PARD3: variants seen among roughly 807,000 people sequenced by gnomAD.
PARD3 encodes the protein par-3 family cell polarity regulator.
PARD3 carries 75 observed loss-of-function variants against 155.4 expected under a neutral mutation model. The observed-to-expected ratio is 0.48, with a 90% CI of 0.40 to 0.58. PARD3 has a LOEUF of 0.58. Ranked by LOEUF, PARD3 falls within the 20% of genes least tolerant of loss-of-function variation. PARD3 has a pLI of 0.00. For synonymous variants in PARD3, 576 were observed against 610.5 expected (o/e 0.94, Z 0.83); for missense variants, 1,642 against 1,721.7 (o/e 0.95, Z 0.82).
At chr10:34,695,574 C>G (rs1211883602) in intron 2 of PARD3, among the ~76,000 whole-genome samples, 1 of 152,130 alleles carries the variant, frequency 6.6e-6, no homozygotes, top group African/African-American at 2.4e-5. Context: ...CCTCCCCCTC[C>G]TCTTCCTCTT....
intron 3 of PARD3, among the ~76,000 whole-genome samples, chr10:34,480,575 C>G (rs1469256432): frequency 6.6e-6 from 1 of 152,102 alleles, no homozygotes; most frequent in Admixed American, 6.5e-5. Context: ...AGTTATTCAA[C>G]TAGAGGACAA....
At chr10:34,655,030 TGCTGAGCAC>T (rs2093126311) in intron 2 of PARD3, among the ~76,000 whole-genome samples, 1 of 151,872 alleles carries the variant, frequency 6.6e-6, no homozygotes, top group East Asian at 1.9e-4. Context: ...ACCCACCATT[TGCTGAGCAC>T]GTCAACAACT....
intron 2 of PARD3, among the ~76,000 whole-genome samples, chr10:34,630,958 G>A (rs1037352670): frequency 1.5e-4 from 23 of 152,004 alleles, no homozygotes; most frequent in African/African-American, 4.8e-4. Flanking sequence ...GGGGCTACAG[G>A]TGCATGCCAC....
At chr10:34,639,861 C>A (rs1234402576) in intron 2 of PARD3, among the ~76,000 whole-genome samples, 1 of 152,078 alleles carries the variant, frequency 6.6e-6, no homozygotes, top group Non-Finnish European at 1.5e-5. Flanking sequence ...GTAAGACACA[C>A]ACACACACAC....
At position 34,111,119 on chromosome 10, in the gene PARD3, T is replaced by C. The variant is rs780812179; in HGVS notation, c.*50A>G. ...AAAACTCCCAAAATACAAGTCTTCA[T>C]AGGAAAATGTCTTTTATTGCGCGAC... On this transcript the variant is annotated 3_prime_UTR_variant, in exon 25 of 25. Coordinates refer to ENST00000374788, the MANE Select transcript of PARD3 (RefSeq NM_001184785.2). The C allele has an allele frequency of 1.5e-5, 23 of 1,505,760 alleles. No individual in the cohort carries two copies. In the African/African-American group the frequency reaches 2.4e-4, roughly 16 times the overall value. The allele number at this position is 1,505,760 out of a possible 1,614,324, so 93.3% of individuals were successfully genotyped here. A position where few individuals can be genotyped will look rare whatever the true frequency, so the allele number is the denominator to read the frequency against.
At chr10:34,669,027 C>T (rs1170945940) in intron 2 of PARD3, among the ~76,000 whole-genome samples, 4 of 152,038 alleles carry the variant, frequency 2.6e-5, no homozygotes, top group African/African-American at 9.7e-5. Context: ...TAAATTAGTA[C>T]AAACTCTATG....
At chr10:34,534,489 G>C (rs1177159824) in intron 2 of PARD3, among the ~76,000 whole-genome samples, 3 of 152,096 alleles carry the variant, frequency 2.0e-5, no homozygotes, top group African/African-American at 7.2e-5. Context: ...ACATTGAATG[G>C]GTCACATGAG....
chr10:34,709,824 G>A (rs2094424722), intron 1 of PARD3, among the ~76,000 whole-genome samples: 1 of 152,114 alleles, frequency 6.6e-6, no homozygotes, highest in Non-Finnish European at 1.5e-5. Flanking sequence ...CCAACCAGAG[G>A]TCAACTGACA....
chr10:34,355,850 G>A (rs1174699556), intron 14 of PARD3, among the ~76,000 whole-genome samples: 1 of 148,926 alleles, frequency 6.7e-6, no homozygotes, highest in East Asian at 2.0e-4. Context: ...ACTTGAACCC[G>A]GGAGGCGGAG....
At chr10:34,179,918 T>A (rs1950197341) in intron 22 of PARD3, among the ~76,000 whole-genome samples, 1 of 152,218 alleles carries the variant, frequency 6.6e-6, no homozygotes, top group African/African-American at 2.4e-5. Context: ...TGCCTTATTT[T>A]TTTTTTAATT....
At chr10:34,576,542 G>C (rs574930529) in intron 2 of PARD3, among the ~76,000 whole-genome samples, 2 of 151,482 alleles carry the variant, frequency 1.3e-5, no homozygotes, top group Non-Finnish European at 2.9e-5. Context: ...AGCTTTTTTT[G>C]GACCATATAA....
chr10:34,776,498 C>T (rs143657863), intron 1 of PARD3, among the ~76,000 whole-genome samples: 59 of 151,852 alleles, frequency 3.9e-4, no homozygotes, highest in African/African-American at 1.4e-3. Flanking sequence ...TGGTATGAAC[C>T]ACAGGGAACT....
intron 2 of PARD3, among the ~76,000 whole-genome samples, chr10:34,672,580 G>A (rs1370789089): frequency 2.6e-5 from 4 of 152,194 alleles, no homozygotes; most frequent in African/African-American, 9.6e-5. Flanking sequence ...CACTTTGAGA[G>A]GCCAAGGCAG....
intron 6 of PARD3, 128 bp downstream of exon 6, chr10:34,401,697 CA>C: frequency 1.4e-6 from 1 of 717,304 alleles, no homozygotes; most frequent in South Asian, 1.6e-5. Flanking sequence ...TTTAGAAAAA[CA>C]AATCAATGCA....
chr10:34,535,830 AGT>A (rs201999700), intron 2 of PARD3, among the ~76,000 whole-genome samples: 2,205 of 149,534 alleles, frequency 0.015, 54 homozygotes, highest in African/African-American at 0.049. Context: ...AAAAAAAAAT[AGT>A]TAGGCTTTAA....
chr10:34,520,092 G>A (rs1049847369), intron 2 of PARD3, among the ~76,000 whole-genome samples: 3 of 152,018 alleles, frequency 2.0e-5, no homozygotes, highest in African/African-American at 7.2e-5. Context: ...AAACAGAAAC[G>A]CGAATGTACA....
At position 34,450,329 on chromosome 10, in the gene PARD3, C is replaced by G. The variant is rs756575325; in HGVS notation, c.702G>C (p.Glu234Asp). The G allele has an allele frequency of 3.7e-6, 6 of 1,613,298 alleles. No individual in the cohort carries two copies. The highest frequency in any genetic ancestry group is 2.2e-5 in the East Asian group (1 of 44,866). ...ASHPMVGKWL[E>D]KQEQDEDGTE... ...TTTGTCATGTTACCTGTTCTTGTTTCTCCAGCCACTTGCCCACCATTGGGT... is the reference window on the plus strand; with the variant it reads ...TTTGTCATGTTACCTGTTCTTGTTTGTCCAGCCACTTGCCCACCATTGGGT... Residue 234 changes from glutamate to aspartate, a missense_variant, in exon 5 of 25, where the codon GAG becomes GAC. Physicochemically the swap from Glu to Asp is conservative, Grantham distance 45. Around this residue, in one of 3 missense-constraint regions of PARD3, gnomAD observed 1,529 missense variants for 1,587.3 expected, o/e 0.96. Transcript: ENST00000374788.
At chr10:34,732,151 G>A (rs1378707289) in intron 1 of PARD3, among the ~76,000 whole-genome samples, 1 of 152,032 alleles carries the variant, frequency 6.6e-6, no homozygotes, top group Non-Finnish European at 1.5e-5. Flanking sequence ...CTTTCAACCT[G>A]AGAACGCTTA....
intron 2 of PARD3, among the ~76,000 whole-genome samples, chr10:34,582,857 G>A (rs965498361): frequency 6.6e-6 from 1 of 152,198 alleles, no homozygotes; most frequent in East Asian, 1.9e-4. Context: ...TCCTAAAAGG[G>A]AAACCAGGTG....
Sources: allele counts gnomAD v4.1 joint callset (sites outside exome capture counted in the v4.1 genomes callset), GRCh38; gene constraint gnomAD v4.1.1; regional missense constraint gnomAD v4.1.1; transcripts MANE v1.5; gene names NCBI Gene and HGNC (gene_info 2026-07-23, HGNC 2026-07-21).